Variants in RAB3C observed in about 807,000 individuals in gnomAD.
RAB3C encodes the protein RAB3C, member RAS oncogene family.
A neutral mutation model predicts 26.4 loss-of-function variants in RAB3C; 17 were observed. The ratio of observed to expected loss-of-function variants is 0.64; its 90% confidence interval spans 0.44 to 0.97. The LOEUF (loss-of-function observed/expected upper bound fraction) is 0.97. RAB3C is among the 50% of genes least tolerant of loss of function. The pLI, the probability that RAB3C is intolerant of heterozygous loss-of-function variation, is 0.00. For missense variants in RAB3C, 242 were observed against 281.9 expected, an observed-to-expected ratio of 0.86 and a Z score of 1.01; for synonymous variants, 91 against 95.9, an observed-to-expected ratio of 0.95 and a Z score of 0.30.
chr5:58,856,290 G>A lies in RAB3C; in HGVS notation c.*4939G>A, dbSNP rs1376648963. ...AGAGAGTGGAGGGGAAATAAATTTT[G>A]CAAGCATTCTAGATAACAGAAATGA... On this transcript the variant is annotated 3_prime_UTR_variant, in exon 5 of 5. Coordinates refer to ENST00000282878, the MANE Select transcript of RAB3C (RefSeq NM_138453.4). The A allele has an allele frequency of 1.3e-5, 2 of 150,912 alleles. No individual in the cohort carries two copies. Among genetic ancestry groups the A allele is most frequent in the Non-Finnish European group, 2.9e-5 (2 of 67,842 alleles). 9.3% of individuals were successfully genotyped at this position (150,912 alleles called of 1,614,324 possible).
At chr5:58,848,148 A>C (rs1744044473) in intron 4 of RAB3C, among the ~76,000 whole-genome samples, 1 of 152,080 alleles carries the variant, frequency 6.6e-6, no homozygotes, top group South Asian at 2.1e-4. Flanking sequence ...GAGCCACCAC[A>C]CCCAGCCTCC....
chr5:58,582,509 C>T, upstream of RAB3C: 2 of 635,234 alleles, frequency 3.1e-6, no homozygotes, highest in Non-Finnish European at 3.9e-6. Context: ...TATGTACGCG[C>T]GCGCGACTTC....
intron 2 of RAB3C, among the ~76,000 whole-genome samples, chr5:58,724,002 C>G (rs1740829020): frequency 6.6e-6 from 1 of 151,800 alleles, no homozygotes; most frequent in South Asian, 2.1e-4. Flanking sequence ...AACAATTACT[C>G]TAATTACACT....
At chr5:58,686,063 CTG>C (rs1748439010) in intron 2 of RAB3C, among the ~76,000 whole-genome samples, 1 of 152,128 alleles carries the variant, frequency 6.6e-6, no homozygotes, top group South Asian at 2.1e-4. Context: ...GGAAACAAGA[CTG>C]GAATTAGAAA....
chr5:58,720,056 C>A (rs1358596009), intron 2 of RAB3C, among the ~76,000 whole-genome samples: 1 of 151,854 alleles, frequency 6.6e-6, no homozygotes, highest in Non-Finnish European at 1.5e-5. Flanking sequence ...CACAATACAA[C>A]CCACAGCAGA....
intron 4 of RAB3C, among the ~76,000 whole-genome samples, chr5:58,840,697 G>A (rs1216178358): frequency 6.6e-6 from 1 of 152,116 alleles, no homozygotes; most frequent in Non-Finnish European, 1.5e-5. Context: ...TACTCTCCAT[G>A]TAGTTTCTTC....
chr5:58,654,685 C>G (rs201391006), intron 2 of RAB3C, among the ~76,000 whole-genome samples: 3 of 47,194 alleles, frequency 6.4e-5, no homozygotes, highest in African/African-American at 4.3e-4. Context: ...TCTCTCTTCT[C>G]CTCTTTTTCC....
intron 2 of RAB3C, among the ~76,000 whole-genome samples, chr5:58,638,839 C>T (rs1747346600): frequency 6.6e-6 from 1 of 152,250 alleles, no homozygotes; most frequent in Non-Finnish European, 1.5e-5. Context: ...AGGTGTGTAG[C>T]AGGTGCCTCT....
At chr5:58,829,039 G>T (rs1743554440) in intron 4 of RAB3C, among the ~76,000 whole-genome samples, 1 of 151,868 alleles carries the variant, frequency 6.6e-6, no homozygotes, top group South Asian at 2.1e-4. Flanking sequence ...AAGTAGCTGG[G>T]ACTACTGGCA....
intron 2 of RAB3C, among the ~76,000 whole-genome samples, chr5:58,631,622 A>G (rs1747185160): frequency 6.6e-6 from 1 of 152,174 alleles, no homozygotes; most frequent in Admixed American, 6.6e-5. Context: ...TATTATTGAC[A>G]CTTTACTGTA....
chr5:58,849,717 A>C (rs1744074980), intron 4 of RAB3C, among the ~76,000 whole-genome samples: 1 of 152,244 alleles, frequency 6.6e-6, no homozygotes, highest in Non-Finnish European at 1.5e-5. Context: ...GAGAGTAGCT[A>C]GTGAAATTCA....
At chr5:58,766,079 C>T (rs1741896967) in intron 3 of RAB3C, among the ~76,000 whole-genome samples, 1 of 151,346 alleles carries the variant, frequency 6.6e-6, no homozygotes, top group African/African-American at 2.4e-5. Context: ...AACTGTGAGT[C>T]AATTAAACCT....
At chr5:58,816,766 G>A (rs765534977) in intron 3 of RAB3C, among the ~76,000 whole-genome samples, 2 of 152,106 alleles carry the variant, frequency 1.3e-5, no homozygotes, top group African/African-American at 2.4e-5. Flanking sequence ...TTAAAAGCCC[G>A]TATCAGAATT....
At chr5:58,603,681 ATTTC>A (rs1223213419) in intron 1 of RAB3C, among the ~76,000 whole-genome samples, 218 of 152,144 alleles carry the variant, frequency 1.4e-3, no homozygotes, top group African/African-American at 5.0e-3. Flanking sequence ...TATTTAAGCT[ATTTC>A]CTTGAATATT....
intron 3 of RAB3C, chr5:58,742,078 G>A (rs975474658): frequency 2.0e-5 from 3 of 151,846 alleles, no homozygotes; most frequent in Admixed American, 2.0e-4. Context: ...AAAACCAGTG[G>A]AAAATTCTCC....
chr5:58,589,625 C>G (rs866248727), intron 1 of RAB3C, among the ~76,000 whole-genome samples: 16 of 152,192 alleles, frequency 1.1e-4, no homozygotes, highest in South Asian at 4.1e-4. Flanking sequence ...ATCTATGTAT[C>G]TCCCTTTAGT....
At chr5:58,754,448 G>A (rs1176042066) in intron 3 of RAB3C, among the ~76,000 whole-genome samples, 1 of 152,144 alleles carries the variant, frequency 6.6e-6, no homozygotes, top group Non-Finnish European at 1.5e-5. Flanking sequence ...TTGCCAAAAT[G>A]AAAAGAGGTC....
chr5:58,769,885 A>G (rs1393016682), intron 3 of RAB3C, among the ~76,000 whole-genome samples: 2 of 152,208 alleles, frequency 1.3e-5, no homozygotes, highest in African/African-American at 4.8e-5. Context: ...AACAGTAACT[A>G]AGTCACATGC....
At chr5:58,597,151 T>C (rs868434334) in intron 1 of RAB3C, among the ~76,000 whole-genome samples, 10 of 2,534 alleles carry the variant, frequency 3.9e-3, no homozygotes, top group African/African-American at 7.9e-3. Flanking sequence ...ATATACTACA[T>C]AATATATATT....
Sources: allele counts gnomAD v4.1 joint callset (sites outside exome capture counted in the v4.1 genomes callset), GRCh38; gene constraint gnomAD v4.1.1; transcripts MANE v1.5; gene names NCBI Gene and HGNC (gene_info 2026-07-23, HGNC 2026-07-21).